Variants in WDR70 observed in about 807,000 individuals in gnomAD.
WDR70 encodes the protein WD repeat domain 70.
In WDR70, 53 loss-of-function variants were observed where a neutral mutation model predicts 88.6. The ratio of observed to expected loss-of-function variants is 0.60; its 90% CI spans 0.48 to 0.75. WDR70 has a LOEUF of 0.75. Ranked by LOEUF, WDR70 falls within the 30% of genes least tolerant of loss-of-function variation. The pLI is 0.00. For missense variants in WDR70, 610 were observed against 823.2 expected (o/e 0.74, Z 3.17); for synonymous variants, 280 against 270.0 (o/e 1.04, Z -0.36).
chr5:37,489,792 C>T (rs1308297184), intron 8 of WDR70, among the ~76,000 whole-genome samples: 1 of 148,300 alleles, frequency 6.7e-6, no homozygotes, highest in Non-Finnish European at 1.5e-5. Context: ...CAGTGTCAGG[C>T]ATTTTTTTTT....
chr5:37,466,663 G>A (rs1258659641), intron 7 of WDR70, among the ~76,000 whole-genome samples: 8 of 123,008 alleles, frequency 6.5e-5, no homozygotes, highest in African/African-American at 1.6e-4. Flanking sequence ...CCGAGATGGC[G>A]CCACTGCACT....
chr5:37,704,746 G>A (rs972865026), intron 13 of WDR70, among the ~76,000 whole-genome samples: 4 of 152,194 alleles, frequency 2.6e-5, no homozygotes, highest in African/African-American at 4.8e-5. Flanking sequence ...CTTGGGAAGT[G>A]CAAGTAAGGC....
At chr5:37,506,466 T>C in intron 8 of WDR70, 1 of 768,440 alleles carries the variant, frequency 1.3e-6, no homozygotes, top group Non-Finnish European at 2.4e-6. Flanking sequence ...TCCTCTATGA[T>C]CTTGCTTATT....
At chr5:37,387,649 GTTTT>G (rs35840030) in intron 3 of WDR70, among the ~76,000 whole-genome samples, 1 of 146,230 alleles carries the variant, frequency 6.8e-6, no homozygotes. Flanking sequence ...ATTCATAAGA[GTTTT>G]TTTTTTTTTT....
intron 9 of WDR70, among the ~76,000 whole-genome samples, chr5:37,518,235 G>A (rs1740954148): frequency 6.6e-6 from 1 of 151,956 alleles, no homozygotes. Flanking sequence ...ATTTTAAAAT[G>A]TACAGTTATA....
At chr5:37,415,436 C>G (rs1475488732) in intron 5 of WDR70, among the ~76,000 whole-genome samples, 1 of 87,220 alleles carries the variant, frequency 1.1e-5, no homozygotes. Flanking sequence ...CCCTCCCGGA[C>G]GGGGCGGCTG....
intron 17 of WDR70, among the ~76,000 whole-genome samples, chr5:37,727,865 T>G (rs1748024620): frequency 6.6e-6 from 1 of 152,122 alleles, no homozygotes; most frequent in Non-Finnish European, 1.5e-5. Flanking sequence ...CATGAGCCAC[T>G]CCACCTGGCC....
At chr5:37,430,702 A>C (rs1344813088) in intron 5 of WDR70, among the ~76,000 whole-genome samples, 1 of 152,006 alleles carries the variant, frequency 6.6e-6, no homozygotes, top group Non-Finnish European at 1.5e-5. Context: ...CTGGGATTAC[A>C]AGCCTGCGCC....
At position 37,443,237 on chromosome 5, in the gene WDR70, A is replaced by G; in HGVS notation, c.553-2A>G. On this transcript the variant is annotated splice_acceptor_variant, in intron 6 of 17. Coordinates refer to ENST00000265107, the MANE Select transcript of WDR70 (RefSeq NM_018034.4). LOFTEE classifies it high-confidence loss of function. The stretch of plus-strand genomic sequence containing the variant: ...CATTTTATTTTATTTTTTTAAAACC[A>G]GGTGTCTGCTTTGGGTCTGGATCCC... 6.2e-7 allele frequency: 1 copy of G among 1,607,094 alleles called. No homozygotes were observed. Among genetic ancestry groups the G allele is most frequent in the Non-Finnish European group, 8.5e-7 (1 of 1,177,028 alleles).
intron 9 of WDR70, among the ~76,000 whole-genome samples, chr5:37,517,059 G>C (rs73749051): frequency 6.6e-6 from 1 of 152,064 alleles, no homozygotes; most frequent in Non-Finnish European, 1.5e-5. Context: ...TTATCTGATA[G>C]TGTAGTATTT....
At chr5:37,542,469 C>T (rs1313975413) in intron 9 of WDR70, among the ~76,000 whole-genome samples, 1 of 151,802 alleles carries the variant, frequency 6.6e-6, no homozygotes, top group African/African-American at 2.4e-5. Flanking sequence ...TTAGTAGAGA[C>T]GGGGTTTTAC....
intron 5 of WDR70, among the ~76,000 whole-genome samples, chr5:37,425,207 T>G (rs1007324607): frequency 1.3e-5 from 2 of 152,210 alleles, no homozygotes; most frequent in African/African-American, 2.4e-5. Context: ...GCCATGATTG[T>G]GCCTCTGCAC....
chr5:37,743,206 A>AC (rs1183883043), intron 17 of WDR70, among the ~76,000 whole-genome samples: 1 of 149,398 alleles, frequency 6.7e-6, no homozygotes, highest in East Asian at 2.0e-4. Context: ...GGGAAGGGGA[A>AC]CCCCCCTCCC....
chr5:37,727,837 A>G (rs1179456684), intron 17 of WDR70, among the ~76,000 whole-genome samples: 2 of 152,026 alleles, frequency 1.3e-5, no homozygotes, highest in Non-Finnish European at 2.9e-5. Flanking sequence ...CAGACTCCCA[A>G]AGTGCTCGGA....
At chr5:37,702,871 T>A (rs1241199123) in intron 12 of WDR70, 78 bp from the exon 13 acceptor site, 6 of 1,445,606 alleles carry the variant, frequency 4.2e-6, no homozygotes, top group Non-Finnish European at 5.6e-6. Flanking sequence ...GATGTTTATA[T>A]TTTATTTAAT....
At chr5:37,711,394 TCC>T (rs1008567805) in intron 13 of WDR70, among the ~76,000 whole-genome samples, 31 of 152,314 alleles carry the variant, frequency 2.0e-4, no homozygotes, top group African/African-American at 7.5e-4. Context: ...TTTTACAACT[TCC>T]CTAAAGAGTT....
intron 17 of WDR70, among the ~76,000 whole-genome samples, chr5:37,738,058 A>G (rs1748356236): frequency 6.6e-6 from 1 of 151,926 alleles, no homozygotes; most frequent in South Asian, 2.1e-4. Flanking sequence ...CAAAAAAACA[A>G]CAACTTCGAT....
chr5:37,692,100 A>G (rs990478958), intron 10 of WDR70, among the ~76,000 whole-genome samples: 5 of 152,214 alleles, frequency 3.3e-5, no homozygotes, highest in Admixed American at 6.5e-5. Flanking sequence ...AAAATAGAAA[A>G]TCTAGAAGAA....
intron 7 of WDR70, among the ~76,000 whole-genome samples, chr5:37,473,388 A>G (rs1040632648): frequency 3.4e-5 from 5 of 148,538 alleles, no homozygotes; most frequent in Non-Finnish European, 5.9e-5. Context: ...TTGTTGCCCA[A>G]GCTGGAGTGC....
Sources: gnomAD v4.1 joint callset for allele counts (sites outside exome capture counted in the v4.1 genomes callset) on GRCh38, gnomAD v4.1.1 for gene constraint, MANE v1.5 for transcripts, NCBI Gene and HGNC (gene_info 2026-07-23, HGNC 2026-07-21) for gene names.